The following CCSER1 variants were observed in gnomAD, a reference collection of about 807,000 sequenced individuals.
The protein encoded by CCSER1 is serine-rich coiled-coil domain-containing protein 1.
In CCSER1, 41 loss-of-function variants were observed where a neutral mutation model predicts 82.0. That is an observed-to-expected ratio of 0.50 (90% confidence interval 0.39 to 0.65). The LOEUF (loss-of-function observed/expected upper bound fraction) is 0.65, where lower values mean the gene tolerates loss of function less well. CCSER1 is among the 30% of genes least tolerant of loss of function. CCSER1 has a pLI of 0.00. For synonymous variants in CCSER1, 414 were observed against 383.9 expected, an observed-to-expected ratio of 1.08 and a Z score of -0.92; for missense variants, 1,119 against 1,064.2, an observed-to-expected ratio of 1.05 and a Z score of -0.72.
intron 10 of CCSER1, among the ~76,000 whole-genome samples, chr4:91,230,038 T>G (rs1273844068): frequency 6.6e-6 from 1 of 152,098 alleles, no homozygotes; most frequent in Non-Finnish European, 1.5e-5. Context: ...AAATATTCAT[T>G]CGAGTACTAA....
At chr4:91,151,512 C>T (rs1019720660) in intron 10 of CCSER1, among the ~76,000 whole-genome samples, 9 of 152,092 alleles carry the variant, frequency 5.9e-5, no homozygotes, top group African/African-American at 2.2e-4. Context: ...TTACCTTCTG[C>T]TCGCTTTTGA....
intron 10 of CCSER1, among the ~76,000 whole-genome samples, chr4:91,513,517 G>T (rs1440348024): frequency 1.3e-5 from 2 of 152,068 alleles, no homozygotes; most frequent in Non-Finnish European, 1.5e-5. Context: ...CAGTTTTTTT[G>T]AATAGTTTCA....
intron 9 of CCSER1, among the ~76,000 whole-genome samples, chr4:90,960,990 A>G (rs923663532): frequency 1.3e-5 from 2 of 152,150 alleles, no homozygotes; most frequent in African/African-American, 4.8e-5. Flanking sequence ...CATAATGACT[A>G]TGCAACCTGT....
intron 9 of CCSER1, among the ~76,000 whole-genome samples, chr4:90,969,890 A>G (rs559700853): frequency 9.4e-4 from 142 of 151,614 alleles, no homozygotes; most frequent in Non-Finnish European, 1.5e-3. Context: ...AAGTTATACA[A>G]TATAAAAAGA....
At chr4:90,751,434 T>C (rs1748645884) in intron 7 of CCSER1, among the ~76,000 whole-genome samples, 2 of 152,100 alleles carry the variant, frequency 1.3e-5, no homozygotes, top group South Asian at 4.1e-4. Context: ...GAGTAAGTAA[T>C]TATAATTTTG....
In CCSER1 at chr4:91,156,752, A is replaced by T. The variant is rs113467664; in HGVS notation, c.2217+70758A>T. On this transcript the variant is annotated intron_variant, in intron 10 of 10. Transcript: ENST00000509176. ...TGTTTTCTGTCTTCTCTCCTTTTAA[A>T]TGCCAGACACCTTCCTTCTCTTGTC... Among the ~76,000 whole-genome samples, 14 of 151,880 alleles carry T rather than the reference A, an allele frequency of 9.2e-5. No individual in the cohort carries two copies. The South Asian group carries it at 2.1e-3, about 23-fold the overall frequency.
At chr4:91,351,523 C>T (rs528644785) in intron 10 of CCSER1, among the ~76,000 whole-genome samples, 1 of 151,956 alleles carries the variant, frequency 6.6e-6, no homozygotes, top group African/African-American at 2.4e-5. Context: ...TTCTGGTATA[C>T]AAAAATACTT....
chr4:90,707,151 T>G (rs1739501302), intron 6 of CCSER1, among the ~76,000 whole-genome samples: 1 of 152,192 alleles, frequency 6.6e-6, no homozygotes, highest in African/African-American at 2.4e-5. Context: ...TCCTCACTCA[T>G]GTTCATTATT....
chr4:90,237,014 A>G (rs1313216056), intron 1 of CCSER1, among the ~76,000 whole-genome samples: 2 of 152,200 alleles, frequency 1.3e-5, no homozygotes, highest in Admixed American at 6.5e-5. Context: ...ACATCTCAAT[A>G]TGGATATGGG....
At chr4:91,217,092 G>A (rs533848647) in intron 10 of CCSER1, among the ~76,000 whole-genome samples, 1 of 152,248 alleles carries the variant, frequency 6.6e-6, no homozygotes, top group South Asian at 2.1e-4. Flanking sequence ...CTTCTGGTGG[G>A]TTCGTGGTCT....
intron 4 of CCSER1, among the ~76,000 whole-genome samples, chr4:90,433,287 C>A (rs1758554439): frequency 6.6e-6 from 1 of 152,042 alleles, no homozygotes; most frequent in Admixed American, 6.6e-5. Context: ...CCACCCTTGA[C>A]TCCTCCTTTT....
intron 10 of CCSER1, chr4:91,325,435 T>A (rs1746492403): frequency 4.2e-6 from 1 of 238,584 alleles, no homozygotes; most frequent in Admixed American, 5.3e-5. Flanking sequence ...GCTAGTACAT[T>A]ATGATGCTGA....
At chr4:90,992,681 G>A (rs367798363) in intron 9 of CCSER1, among the ~76,000 whole-genome samples, 1 of 151,862 alleles carries the variant, frequency 6.6e-6, no homozygotes, top group Non-Finnish European at 1.5e-5. Flanking sequence ...TGGTTGTAGG[G>A]CCGTTAGGTC....
chr4:91,383,129 T>C (rs1199554519), intron 10 of CCSER1, among the ~76,000 whole-genome samples: 1 of 152,052 alleles, frequency 6.6e-6, no homozygotes. Flanking sequence ...ACGAAAAAAA[T>C]TGTGTGATTC....
intron 5 of CCSER1, among the ~76,000 whole-genome samples, chr4:90,586,868 G>A (rs1782079584): frequency 6.6e-6 from 1 of 152,302 alleles, no homozygotes; most frequent in East Asian, 1.9e-4. Flanking sequence ...GCCTTTCAAA[G>A]ATGTCTCTTC....
chr4:90,403,459 A>ACTGCACTC (rs1158806455), intron 4 of CCSER1, among the ~76,000 whole-genome samples: 1 of 143,524 alleles, frequency 7.0e-6, no homozygotes, highest in Non-Finnish European at 1.5e-5. Context: ...AGATCCCGCC[A>ACTGCACTC]CTGCACTCCA....
intron 10 of CCSER1, among the ~76,000 whole-genome samples, chr4:91,211,584 A>G (rs1171395552): frequency 6.6e-6 from 1 of 152,102 alleles, no homozygotes; most frequent in Admixed American, 6.6e-5. Context: ...TACAGTTTAC[A>G]TTCTGTCAGT....
At chr4:90,515,881 A>G (rs1772193187) in intron 5 of CCSER1, among the ~76,000 whole-genome samples, 2 of 152,152 alleles carry the variant, frequency 1.3e-5, no homozygotes, top group Non-Finnish European at 2.9e-5. Flanking sequence ...GCTGGTAAAT[A>G]TTTTGTAGTA....
intron 9 of CCSER1, among the ~76,000 whole-genome samples, chr4:91,026,306 G>A (rs1740486345): frequency 6.6e-6 from 1 of 151,824 alleles, no homozygotes; most frequent in East Asian, 1.9e-4. Context: ...CCATTGTTTA[G>A]GTCTCCTATT....
Sources: allele counts gnomAD v4.1 joint callset (sites outside exome capture counted in the v4.1 genomes callset), GRCh38; gene constraint gnomAD v4.1.1; transcripts MANE v1.5; gene names NCBI Gene and HGNC (gene_info 2026-07-23, HGNC 2026-07-21).